The following STK33 variants were observed in gnomAD, a reference collection of about 807,000 sequenced individuals.
The protein encoded by STK33 is serine/threonine-protein kinase 33.
Under a neutral mutation model 58.0 loss-of-function variants are expected in STK33, and 52 were observed. The ratio of observed to expected loss-of-function variants is 0.90; its 90% CI spans 0.72 to 1.13. The LOEUF is 1.13. STK33 is among the 50% of genes most tolerant of loss of function. The pLI is 0.00. For missense variants in STK33, 630 were observed against 604.2 expected (o/e 1.04, Z -0.45); for synonymous variants, 215 against 200.1 (o/e 1.07, Z -0.63).
At chr11:8,548,451 T>C (rs1381734799) in intron 1 of STK33, among the ~76,000 whole-genome samples, 9 of 152,238 alleles carry the variant, frequency 5.9e-5, no homozygotes, top group Non-Finnish European at 1.3e-4. Flanking sequence ...TTCTCTATTC[T>C]GTTCCATTGG....
chr11:8,534,091 A>G (rs1954766626), intron 1 of STK33, among the ~76,000 whole-genome samples: 1 of 152,080 alleles, frequency 6.6e-6, no homozygotes, highest in African/African-American at 2.4e-5. Flanking sequence ...CCTGGCCAAC[A>G]TGGTGAAAAC....
intron 7 of STK33, among the ~76,000 whole-genome samples, chr11:8,463,752 T>C (rs962285575): frequency 6.6e-6 from 1 of 152,172 alleles, no homozygotes; most frequent in African/African-American, 2.4e-5. Flanking sequence ...AACATCAATA[T>C]AAATATGAAA....
chr11:8,584,241 T>C (rs1394110545), intron 1 of STK33, among the ~76,000 whole-genome samples: 2 of 152,178 alleles, frequency 1.3e-5, no homozygotes, highest in Non-Finnish European at 2.9e-5. Context: ...ATACCCTCCC[T>C]TCCCACCTCT....
intron 1 of STK33, among the ~76,000 whole-genome samples, chr11:8,534,568 C>CTCTCTCTCTCTCTGTGTGTGTGTGTG (rs1402710450): frequency 4.8e-5 from 5 of 104,692 alleles, no homozygotes; most frequent in African/African-American, 2.0e-4. Flanking sequence ...CTCTCTCTCT[C>CTCTCTCTCTCTCTGTGTGTGTGTGTG]TGTGTGTGTG....
At chr11:8,515,516 T>A (rs564057762) in intron 1 of STK33, among the ~76,000 whole-genome samples, 2 of 152,260 alleles carry the variant, frequency 1.3e-5, no homozygotes, top group South Asian at 4.1e-4. Context: ...CAAAGCCAGA[T>A]AAAGATACCA....
chr11:8,472,474 G>T (rs758372359), intron 6 of STK33, among the ~76,000 whole-genome samples: 2 of 152,060 alleles, frequency 1.3e-5, no homozygotes, highest in Non-Finnish European at 2.9e-5. Context: ...GGACTAGGGA[G>T]GCCCAAGGAG....
At chr11:8,489,973 G>C (rs1313380860) in intron 1 of STK33, among the ~76,000 whole-genome samples, 1 of 152,174 alleles carries the variant, frequency 6.6e-6, no homozygotes, top group African/African-American at 2.4e-5. Flanking sequence ...AATAGGAACA[G>C]CTCTGGTCTA....
At chr11:8,434,511 T>C (rs1174506010) in intron 14 of STK33, among the ~76,000 whole-genome samples, 2 of 152,174 alleles carry the variant, frequency 1.3e-5, no homozygotes, top group African/African-American at 4.8e-5. Context: ...TTGTATTAAT[T>C]GAAATTAGGT....
chr11:8,544,782 G>A (rs1446463), intron 1 of STK33, among the ~76,000 whole-genome samples: 83,575 of 151,828 alleles, frequency 0.55, 23,326 homozygotes, highest in African/African-American at 0.65. Flanking sequence ...TCATAATGTT[G>A]GATAAATTAC....
chr11:8,564,370 G>A (rs1034364482), intron 1 of STK33, among the ~76,000 whole-genome samples: 1 of 152,178 alleles, frequency 6.6e-6, no homozygotes, highest in Non-Finnish European at 1.5e-5. Context: ...CAGGCACTCT[G>A]GCCTTACGCA....
At chr11:8,440,037 A>G (rs1182839005) in intron 12 of STK33, among the ~76,000 whole-genome samples, 2 of 151,588 alleles carry the variant, frequency 1.3e-5, no homozygotes, top group Non-Finnish European at 1.5e-5. Context: ...AGACCCTGCA[A>G]TAGTCTAGAA....
chr11:8,337,633 G>A, the STK33 span, among the ~76,000 whole-genome samples: 2 of 108,160 alleles, frequency 1.8e-5, no homozygotes, highest in Admixed American at 8.3e-5. Flanking sequence ...GGAGCTTGAC[G>A]ACGGCGGGGG....
At chr11:8,505,356 G>A (rs1219797946) in intron 1 of STK33, among the ~76,000 whole-genome samples, 5 of 152,144 alleles carry the variant, frequency 3.3e-5, no homozygotes, top group Non-Finnish European at 1.5e-5. Context: ...GGCATGTATC[G>A]AAACTGTTCA....
intron 1 of STK33, among the ~76,000 whole-genome samples, chr11:8,558,905 A>G (rs1016852837): frequency 1.3e-5 from 2 of 152,238 alleles, no homozygotes; most frequent in Non-Finnish European, 2.9e-5. Flanking sequence ...ATTCAAATTC[A>G]AAAAGCTAAT....
In STK33 at chr11:8,510,983, G is replaced by C. The variant is rs183840511; in HGVS notation, c.-465-30369C>G. On this transcript the variant is annotated intron_variant, in intron 1 of 15. Transcript: ENST00000687296. Reference sequence around the variant, plus strand: ...GCTTTGGCTATGGAAGCTCTTTCTTGGTTCTGTATGAATTTTGGTATTGTT... The same window carrying C: ...GCTTTGGCTATGGAAGCTCTTTCTTCGTTCTGTATGAATTTTGGTATTGTT... 3.2e-4 allele frequency among the ~76,000 whole-genome samples: 49 copies of C among 152,166 alleles called. 1 individual carries two copies. The highest frequency in any genetic ancestry group is 2.5e-3 in the East Asian group (13 of 5,180).
Position 8,457,549 on chromosome 11 carries a change from C to G in STK33, c.559-70G>C, listed in dbSNP as rs891668150. ...TGGGGATCTTTAAAATGTTATATAT[C>G]ACATATACAATCACAGTCATAATCA... On this transcript the variant is annotated intron_variant, in intron 8 of 15. Coordinates refer to ENST00000687296, the MANE Select transcript of STK33 (RefSeq NM_001352389.2). The G allele has an allele frequency of 8.7e-6, 11 of 1,262,186 alleles. No individual in the cohort carries two copies. In the Middle Eastern group the frequency reaches 8.2e-4, roughly 94 times the overall value. The allele number at this position is 1,262,186 out of a possible 1,614,324, so 78.2% of individuals were successfully genotyped here. A position where few individuals can be genotyped will look rare whatever the true frequency, so the allele number is the denominator to read the frequency against.
intron 1 of STK33, among the ~76,000 whole-genome samples, chr11:8,483,678 G>C (rs1389421206): frequency 6.6e-6 from 1 of 152,134 alleles, no homozygotes; most frequent in Non-Finnish European, 1.5e-5. Flanking sequence ...TAAAGCTAAA[G>C]AGCATCAAGA....
intron 5 of STK33, among the ~76,000 whole-genome samples, chr11:8,473,639 A>G (rs7126013): frequency 6.6e-6 from 1 of 151,990 alleles, no homozygotes; most frequent in Non-Finnish European, 1.5e-5. Context: ...ACAGCTTATA[A>G]GTAAATTATT....
chr11:8,522,044 C>G (rs543754838), intron 1 of STK33, among the ~76,000 whole-genome samples: 2 of 152,338 alleles, frequency 1.3e-5, no homozygotes, highest in African/African-American at 4.8e-5. Flanking sequence ...CACACTAGCT[C>G]AACCAATGTG....
Sources: gnomAD v4.1 joint callset for allele counts (sites outside exome capture counted in the v4.1 genomes callset) on GRCh38, gnomAD v4.1.1 for gene constraint, MANE v1.5 for transcripts, NCBI Gene and HGNC (gene_info 2026-07-23, HGNC 2026-07-21) for gene names.